Variants in COL4A6 observed in about 807,000 individuals in gnomAD.
The protein encoded by COL4A6 is collagen type IV alpha 6 chain.
In COL4A6, 59 loss-of-function variants were observed where a neutral mutation model predicts 126.7. That is an observed-to-expected ratio of 0.47 (90% CI 0.38 to 0.58). COL4A6 has a LOEUF of 0.58. Ranked by LOEUF, COL4A6 falls within the 20% of genes least tolerant of loss-of-function variation. COL4A6 has a pLI of 0.00. For missense variants in COL4A6, 1,285 were observed against 1,337.3 expected, an observed-to-expected ratio of 0.96 and a Z score of 0.61; for synonymous variants, 547 against 496.6, an observed-to-expected ratio of 1.10 and a Z score of -1.35.
At chrX:108,235,966 A>G (rs1382980710) in intron 3 of COL4A6, among the ~76,000 whole-genome samples, 4 of 111,078 alleles carry the variant, frequency 3.6e-5, no homozygotes, top group Admixed American at 9.6e-5. Context: ...TGAACTGGGC[A>G]GGAAGTCCCA....
At chrX:108,361,096 C>T (rs1172339712) in intron 2 of COL4A6, among the ~76,000 whole-genome samples, 1 of 111,141 alleles carries the variant, frequency 9.0e-6, no homozygotes, top group East Asian at 2.8e-4. Flanking sequence ...AAACCAGTCC[C>T]CATGACCCCT....
intron 28 of COL4A6, among the ~76,000 whole-genome samples, chrX:108,176,023 G>C (rs2034475634): frequency 9.0e-6 from 1 of 110,545 alleles, no homozygotes; most frequent in Non-Finnish European, 1.9e-5. Flanking sequence ...ACAATACAAA[G>C]GAAAGAAGTG....
At chrX:108,191,228 G>T (rs1342392040) in intron 19 of COL4A6, among the ~76,000 whole-genome samples, 165 bp downstream of exon 19, 1 of 112,335 alleles carries the variant, frequency 8.9e-6, no homozygotes, top group African/African-American at 3.2e-5. Context: ...TAGAGGCAGG[G>T]ATCTGACTCA....
chrX:108,242,534 A>G lies in COL4A6; in HGVS notation c.145-21160T>C, dbSNP rs139399266. Among the ~76,000 whole-genome samples, 121 of 112,225 alleles carry G rather than the reference A, an allele frequency of 1.1e-3. 5 individuals carry two copies. In the East Asian group the frequency reaches 0.033, roughly 30 times the overall value. On this transcript the variant is annotated intron_variant, in intron 3 of 44. Transcript: ENST00000334504. Reference sequence around the variant, plus strand: ...AGTGGTAAACCCTCTTAATAAATAAATATTTGGCAATAATAAGCTAAGCAA... The same window carrying G: ...AGTGGTAAACCCTCTTAATAAATAAGTATTTGGCAATAATAAGCTAAGCAA...
At chrX:108,241,554 T>A (rs1051630618) in intron 3 of COL4A6, among the ~76,000 whole-genome samples, 11 of 103,370 alleles carry the variant, frequency 1.1e-4, no homozygotes, top group Non-Finnish European at 2.0e-4. Flanking sequence ...ATAGTAAATA[T>A]ATATATATAT....
intron 3 of COL4A6, among the ~76,000 whole-genome samples, chrX:108,241,013 G>A (rs1017302205): frequency 1.8e-5 from 2 of 110,751 alleles, no homozygotes; most frequent in South Asian, 7.6e-4. Flanking sequence ...AAATTTTGGG[G>A]TGATGATAAT....
chrX:108,211,798 G>A lies in COL4A6; in HGVS notation c.442-58C>T, dbSNP rs749253550. On this transcript the variant is annotated intron_variant, in intron 6 of 44. Transcript: ENST00000334504. ...ACACACACTTACAGTCTTTTTAATTGCATTATCTGATCAGATAGAGGATGG... is the reference window on the plus strand; with the variant it reads ...ACACACACTTACAGTCTTTTTAATTACATTATCTGATCAGATAGAGGATGG... 3 of 1,044,930 alleles carry A rather than the reference G, an allele frequency of 2.9e-6. No homozygotes were observed. In the African/African-American group the frequency reaches 5.6e-5, roughly 19 times the overall value. The allele number at this position is 1,044,930 out of a possible 1,213,427, so 86.1% of individuals were successfully genotyped here.
intron 3 of COL4A6, among the ~76,000 whole-genome samples, chrX:108,245,596 C>T (rs1453287979): frequency 1.8e-5 from 2 of 111,751 alleles, no homozygotes; most frequent in African/African-American, 6.5e-5. Context: ...CTTTTGTGGT[C>T]ATCTGCACTT....
chrX:108,328,924 A>G (rs1156742752), intron 2 of COL4A6, among the ~76,000 whole-genome samples: 1 of 112,206 alleles, frequency 8.9e-6, no homozygotes, highest in African/African-American at 3.2e-5. Flanking sequence ...AACAACATGG[A>G]TAAGCCTAGA....
chrX:108,392,602 G>A (rs1485149692), intron 2 of COL4A6, among the ~76,000 whole-genome samples: 2 of 111,865 alleles, frequency 1.8e-5, no homozygotes, highest in Non-Finnish European at 3.8e-5. Context: ...TGGATGTTGT[G>A]TATGACTTGG....
intron 44 of COL4A6, among the ~76,000 whole-genome samples, chrX:108,159,066 G>C (rs1448289245): frequency 2.7e-5 from 3 of 111,653 alleles, no homozygotes; most frequent in Non-Finnish European, 5.7e-5. Flanking sequence ...GGAGAGAAGA[G>C]GGGACAGTGC....
At chrX:108,327,383 G>T (rs1164326833) in intron 2 of COL4A6, among the ~76,000 whole-genome samples, 2 of 101,005 alleles carry the variant, frequency 2.0e-5, no homozygotes, top group Non-Finnish European at 4.0e-5. Context: ...GTGCCCAAAA[G>T]GTTGGGGACT....
chrX:108,412,619 A>C (rs932921070), intron 2 of COL4A6, among the ~76,000 whole-genome samples: 4 of 111,631 alleles, frequency 3.6e-5, no homozygotes, highest in African/African-American at 1.3e-4. Context: ...AAAATAACTG[A>C]ATGTCTTTGT....
At chrX:108,203,690 CT>C (rs1746576721) in intron 12 of COL4A6, among the ~76,000 whole-genome samples, 1 of 112,602 alleles carries the variant, frequency 8.9e-6, no homozygotes, top group South Asian at 3.7e-4. Context: ...ATCTGCACAC[CT>C]TAACAGTACA....
chrX:108,179,038 G>T (rs1189155709), intron 26 of COL4A6, among the ~76,000 whole-genome samples, 179 bp downstream of exon 26: 3 of 112,348 alleles, frequency 2.7e-5, no homozygotes, highest in Non-Finnish European at 3.8e-5. Context: ...TACTAAGACA[G>T]TAAAGTCGAC....
chrX:108,174,394 T>TG, intron 31 of COL4A6, 46 bp downstream of exon 31: 4 of 1,170,352 alleles, frequency 3.4e-6, no homozygotes, highest in Non-Finnish European at 4.7e-6. Context: ...CCCCGTGAGA[T>TG]GGGGGGCCTT....
intron 41 of COL4A6, among the ~76,000 whole-genome samples, chrX:108,162,379 A>G (rs1569322447): frequency 9.3e-6 from 1 of 108,036 alleles, no homozygotes; most frequent in African/African-American, 3.3e-5. Context: ...AAAGAAGAAG[A>G]AGGAGGAGGA....
At chrX:108,398,553 A>G (rs1394190961) in intron 2 of COL4A6, among the ~76,000 whole-genome samples, 2 of 111,305 alleles carry the variant, frequency 1.8e-5, no homozygotes, top group East Asian at 5.6e-4. Flanking sequence ...TCTGGGTGGT[A>G]GTTATACAGT....
intron 37 of COL4A6, among the ~76,000 whole-genome samples, chrX:108,166,735 G>A (rs1244182387): frequency 8.9e-6 from 1 of 111,841 alleles, no homozygotes; most frequent in Non-Finnish European, 1.9e-5. Context: ...GCTAAGCCAC[G>A]TGGTGGTACT....
Sources: gnomAD v4.1 joint callset for allele counts (sites outside exome capture counted in the v4.1 genomes callset) on GRCh38, gnomAD v4.1.1 for gene constraint, MANE v1.5 for transcripts, NCBI Gene and HGNC (gene_info 2026-07-23, HGNC 2026-07-21) for gene names.